WASF3: variants seen among roughly 807,000 people sequenced by gnomAD.
WASF3 encodes WASP family member 3.
Under a neutral mutation model 46.6 loss-of-function variants are expected in WASF3, and 11 were observed. The observed-to-expected ratio is 0.24, with a 90% CI of 0.15 to 0.39. The LOEUF is 0.39. WASF3 is among the 10% of genes least tolerant of loss of function. WASF3 has a pLI of 1.00. For missense variants in WASF3, 576 were observed against 669.8 expected, an observed-to-expected ratio of 0.86 and a Z score of 1.55; for synonymous variants, 242 against 259.7, an observed-to-expected ratio of 0.93 and a Z score of 0.65.
chr13:26,678,545 G>C (rs1221376803), intron 7 of WASF3, among the ~76,000 whole-genome samples: 1 of 151,836 alleles, frequency 6.6e-6, no homozygotes, highest in Non-Finnish European at 1.5e-5. Flanking sequence ...TTTAATGATT[G>C]TATCCGCTCA....
At chr13:26,674,417 G>A (rs1018809602) in intron 6 of WASF3, among the ~76,000 whole-genome samples, 50 of 151,966 alleles carry the variant, frequency 3.3e-4, no homozygotes, top group African/African-American at 1.1e-3. Context: ...TTTTCCTTTG[G>A]TTTTTCAAAG....
chr13:26,676,519 G>T (rs372973380), intron 6 of WASF3, 30 bp from the exon 7 acceptor site: 60 of 1,607,622 alleles, frequency 3.7e-5, no homozygotes, highest in Non-Finnish European at 4.8e-5. Context: ...TTCTGTCTTG[G>T]CATGCTCTCT....
intron 1 of WASF3, among the ~76,000 whole-genome samples, chr13:26,600,572 A>C (rs1228034858): frequency 1.3e-5 from 2 of 152,180 alleles, no homozygotes; most frequent in South Asian, 2.1e-4. Context: ...TTTTCATCCC[A>C]GCAGAGAATT....
chr13:26,684,141 A>G (rs1883329575), intron 9 of WASF3, among the ~76,000 whole-genome samples: 1 of 152,116 alleles, frequency 6.6e-6, no homozygotes, highest in Non-Finnish European at 1.5e-5. Flanking sequence ...GCACCCTTCT[A>G]AAGACCCCAG....
At chr13:26,578,114 C>A (rs769909637) in intron 1 of WASF3, among the ~76,000 whole-genome samples, 8 of 152,096 alleles carry the variant, frequency 5.3e-5, no homozygotes. Flanking sequence ...TCCTCCTTTC[C>A]CCCCTTCTTT....
intron 1 of WASF3, chr13:26,606,946 G>A (rs920565266): frequency 2.0e-5 from 3 of 152,190 alleles, no homozygotes; most frequent in Non-Finnish European, 4.4e-5. Flanking sequence ...CCACATTCAT[G>A]TGACTTTTAT....
intron 1 of WASF3, among the ~76,000 whole-genome samples, chr13:26,583,331 A>G (rs973048441): frequency 2.0e-5 from 3 of 152,250 alleles, no homozygotes; most frequent in East Asian, 3.8e-4. Flanking sequence ...AAAGGTTCTT[A>G]TAGTCACAAA....
chr13:26,562,180 GAGTGTGTATAGAGTAAGA>G (rs1879313908), intron 1 of WASF3, among the ~76,000 whole-genome samples: 1 of 152,212 alleles, frequency 6.6e-6, no homozygotes, highest in African/African-American at 2.4e-5. Flanking sequence ...GTCATTTGAG[GAGTGTGTATAGAGTAAGA>G]AAAGGAGTGG....
chr13:26,569,282 T>C (rs1221700355), intron 1 of WASF3, among the ~76,000 whole-genome samples: 1 of 152,210 alleles, frequency 6.6e-6, no homozygotes, highest in Non-Finnish European at 1.5e-5. Flanking sequence ...CTAGCTGTTG[T>C]ACCTAATGGC....
chr13:26,575,201 C>A, intron 1 of WASF3, among the ~76,000 whole-genome samples: 1 of 152,072 alleles, frequency 6.6e-6, no homozygotes, highest in Non-Finnish European at 1.5e-5. Context: ...GGCATCTTTT[C>A]CTTCTCATCT....
chr13:26,588,543 G>A (rs745979379), intron 1 of WASF3, among the ~76,000 whole-genome samples: 1 of 152,072 alleles, frequency 6.6e-6, no homozygotes. Context: ...TCCCCAAATC[G>A]GCTTCTGTTT....
the WASF3 span, among the ~76,000 whole-genome samples, chr13:26,549,580 G>A: frequency 6.6e-6 from 1 of 152,124 alleles, no homozygotes; most frequent in South Asian, 2.1e-4. Flanking sequence ...GCAACCTTAG[G>A]AAGTGTTCTT....
chr13:26,595,712 T>A (rs948060891), intron 1 of WASF3, among the ~76,000 whole-genome samples: 1 of 152,232 alleles, frequency 6.6e-6, no homozygotes, highest in Non-Finnish European at 1.5e-5. Context: ...ATTAGTTGTA[T>A]CATTTTCAGA....
chr13:26,549,602 A>C, the WASF3 span, among the ~76,000 whole-genome samples: 1 of 152,192 alleles, frequency 6.6e-6, no homozygotes, highest in African/African-American at 2.4e-5. Flanking sequence ...GATTTGTAAA[A>C]ATAAAAACCC....
intron 2 of WASF3, 196 bp from the exon 3 acceptor site, chr13:26,642,065 A>G (rs1882014683): frequency 2.4e-6 from 1 of 412,000 alleles, no homozygotes; most frequent in African/African-American, 2.1e-5. Flanking sequence ...GTGAGATTAT[A>G]CTATACATGT....
intron 2 of WASF3, among the ~76,000 whole-genome samples, chr13:26,624,342 TAATG>T (rs1207828896): frequency 5.9e-5 from 9 of 151,540 alleles, no homozygotes; most frequent in Admixed American, 2.6e-4. Context: ...GCTGAGAAAA[TAATG>T]AAAGCTAAAT....
At chr13:26,590,617 A>G (rs2137182650) in intron 1 of WASF3, among the ~76,000 whole-genome samples, 1 of 152,328 alleles carries the variant, frequency 6.6e-6, no homozygotes, top group Non-Finnish European at 1.5e-5. Context: ...ACACAGAGAA[A>G]GGGTCCAAAT....
In WASF3 at chr13:26,676,571, C is replaced by T. The variant is rs1593184961; in HGVS notation, c.563C>T (p.Thr188Ile). The T allele has an allele frequency of 3.7e-6, 6 of 1,614,030 alleles. No homozygotes were observed. The highest frequency in any genetic ancestry group is 4.2e-6 in the Non-Finnish European group (5 of 1,179,978). ...RQKEQKRIDGTTREVKKVRKA... is the reference protein window; with the variant it reads ...RQKEQKRIDGITREVKKVRKA... ...CAGGAGCAAAAGCGTATAGATGGCA[C>T]CACCCGTGAGGTGAAAAAGGTTAGA... Residue 188 changes from threonine to isoleucine, a missense_variant, in exon 7 of 10, where the codon ACC becomes ATC. Physicochemically the swap from Thr to Ile is moderately conservative, Grantham distance 89. Around this residue, in one of 3 missense-constraint regions of WASF3, gnomAD observed 213 missense variants for 278.0 expected, o/e 0.77. Transcript: ENST00000335327.
intron 3 of WASF3, among the ~76,000 whole-genome samples, chr13:26,659,821 T>C (rs980927695): frequency 2.0e-5 from 3 of 152,146 alleles, no homozygotes; most frequent in African/African-American, 7.2e-5. Flanking sequence ...AGAATGGAGC[T>C]GGCTCTTCCA....
Sources: gnomAD v4.1 joint callset for allele counts (sites outside exome capture counted in the v4.1 genomes callset) on GRCh38, gnomAD v4.1.1 for gene constraint, gnomAD v4.1.1 regional missense constraint, MANE v1.5 for transcripts, NCBI Gene and HGNC (gene_info 2026-07-23, HGNC 2026-07-21) for gene names.